NIT2: variants seen among roughly 807,000 people sequenced by gnomAD.
NIT2 encodes omega-amidase NIT2.
NIT2 carries 46 observed loss-of-function variants against 42.7 expected under a neutral mutation model. That is an observed-to-expected ratio of 1.08 (90% CI 0.85 to 1.38). The LOEUF (loss-of-function observed/expected upper bound fraction) is 1.38. NIT2 is among the 40% of genes most tolerant of loss of function. The probability of loss-of-function intolerance (pLI) is 0.00; values close to 1 mark genes in which losing one functional copy is unlikely to be tolerated. For synonymous variants in NIT2, 123 were observed against 121.9 expected (o/e 1.01, Z -0.06); for missense variants, 309 against 342.5 (o/e 0.90, Z 0.77).
chr3:100,343,407 T>A (rs11919627), intron 4 of NIT2, among the ~76,000 whole-genome samples: 15,649 of 152,094 alleles, frequency 0.1, 1,144 homozygotes, highest in African/African-American at 0.2. Flanking sequence ...ACTTTTTCCT[T>A]CTCTTCTACA....
At chr3:100,335,728 G>A (rs1437221424) in intron 1 of NIT2, among the ~76,000 whole-genome samples, 1 of 152,216 alleles carries the variant, frequency 6.6e-6, no homozygotes, top group Admixed American at 6.5e-5. Context: ...GACATGGCCC[G>A]GCACGTGGCT....
intron 8 of NIT2, among the ~76,000 whole-genome samples, chr3:100,352,733 T>C (rs1179585358): frequency 1.3e-5 from 2 of 152,238 alleles, no homozygotes; most frequent in Non-Finnish European, 1.5e-5. Context: ...CTTAGCCCTC[T>C]TCTGAGTTTC....
chr3:100,339,248 C>A, intron 2 of NIT2, 43 bp downstream of exon 2: 2 of 1,226,844 alleles, frequency 1.6e-6, no homozygotes, highest in Non-Finnish European at 2.4e-6. Flanking sequence ...ACTGTACACC[C>A]AAGCAGAACG....
In NIT2 at chr3:100,345,687, C is replaced by T. The variant is rs1576201010; in HGVS notation, c.430+9C>T. On this transcript the variant is annotated intron_variant, in intron 5 of 9. Coordinates refer to ENST00000394140, the MANE Select transcript of NIT2 (RefSeq NM_020202.5). ...CTCCACATTTGATACTCGTATGTAC[C>T]AGATAAGTTTGCCTCTTTAGCAATC... 1 of 1,575,250 alleles carries T rather than the reference C, an allele frequency of 6.3e-7. No individual in the cohort carries two copies. The highest frequency in any genetic ancestry group is 8.7e-7 in the Non-Finnish European group (1 of 1,145,534).
intron 7 of NIT2, among the ~76,000 whole-genome samples, chr3:100,350,431 G>A (rs919378374): frequency 6.6e-6 from 1 of 152,210 alleles, no homozygotes; most frequent in East Asian, 1.9e-4. Flanking sequence ...GGCCTGCAAG[G>A]TGTATTGCTC....
chr3:100,347,971 A>C (rs1410363366), intron 6 of NIT2, among the ~76,000 whole-genome samples: 1 of 151,690 alleles, frequency 6.6e-6, no homozygotes, highest in East Asian at 2.0e-4. Context: ...GCTCACTGCA[A>C]CTTCTGCTTC....
intron 4 of NIT2, among the ~76,000 whole-genome samples, chr3:100,341,612 C>T (rs1285118728): frequency 6.6e-6 from 1 of 152,084 alleles, no homozygotes; most frequent in African/African-American, 2.4e-5. Flanking sequence ...TCATGATCCA[C>T]CCGCCTCAGC....
At chr3:100,335,896 A>G (rs1444285326) in intron 1 of NIT2, among the ~76,000 whole-genome samples, 1 of 152,184 alleles carries the variant, frequency 6.6e-6, no homozygotes, top group Non-Finnish European at 1.5e-5. Flanking sequence ...CTTTAGTCCC[A>G]AACTACTTGG....
chr3:100,335,350 T>C (rs1706056625), intron 1 of NIT2, among the ~76,000 whole-genome samples: 2 of 152,252 alleles, frequency 1.3e-5, no homozygotes, highest in South Asian at 2.1e-4. Context: ...ATGATGTTAA[T>C]GTGTGAAGGA....
chr3:100,352,862 C>G (rs550524240), intron 8 of NIT2, among the ~76,000 whole-genome samples: 3 of 152,230 alleles, frequency 2.0e-5, no homozygotes, highest in African/African-American at 7.2e-5. Flanking sequence ...GCTGACTAGT[C>G]CCAGGGTAGG....
At chr3:100,340,180 C>T (rs1391565430) in intron 3 of NIT2, among the ~76,000 whole-genome samples, 1 of 152,164 alleles carries the variant, frequency 6.6e-6, no homozygotes, top group Non-Finnish European at 1.5e-5. Flanking sequence ...AAGTGATTCT[C>T]CCACCTCCTG....
At chr3:100,339,455 A>T (rs1576198629) in intron 2 of NIT2, among the ~76,000 whole-genome samples, 1 of 152,206 alleles carries the variant, frequency 6.6e-6, no homozygotes, top group Non-Finnish European at 1.5e-5. Context: ...ATCCTAGTAT[A>T]TTGAGGGACT....
intron 4 of NIT2, among the ~76,000 whole-genome samples, chr3:100,344,506 A>G (rs565683097): frequency 1.6e-4 from 25 of 152,338 alleles, no homozygotes; most frequent in African/African-American, 5.8e-4. Context: ...CAGTCCATGA[A>G]TGTGGTATAT....
chr3:100,348,290 T>TA (rs1176645834), intron 6 of NIT2, among the ~76,000 whole-genome samples: 14 of 152,210 alleles, frequency 9.2e-5, no homozygotes, highest in Non-Finnish European at 1.2e-4. Context: ...TTTCACCAAA[T>TA]ACGGGTGTTC....
Position 100,339,855 on chromosome 3 carries a change from A to G in NIT2, c.167A>G (p.Glu56Gly). The G allele has an allele frequency of 1.2e-6, 2 of 1,613,098 alleles. No homozygotes were observed. Among genetic ancestry groups the G allele is most frequent in the Non-Finnish European group, 1.7e-6 (2 of 1,179,272 alleles). Reference protein sequence around the residue: ...NSPYGAKYFPEYAEKIPGEST... With the variant: ...NSPYGAKYFPGYAEKIPGEST... ...CCATATGGAGCGAAATATTTTCCTG[A>G]ATATGCAGAGAAAATTCCTGGTGAA... Residue 56 changes from glutamate (E) to glycine (G), a missense_variant, in exon 3 of 10, where the codon GAA (glutamate) becomes GGA (glycine). Physicochemically the swap from Glu to Gly is moderately conservative, Grantham distance 98. Coordinates refer to ENST00000394140, the MANE Select transcript of NIT2 (RefSeq NM_020202.5).
Position 100,360,928 on chromosome 3 carries a change from G to A in NIT2, c.*5660G>A, listed in dbSNP as rs573362215. On this transcript the variant is annotated 3_prime_UTR_variant, in exon 10 of 10. Coordinates refer to ENST00000394140, the MANE Select transcript of NIT2 (RefSeq NM_020202.5). Reference sequence around the variant, plus strand: ...ATGCGAAAGTCAGGCCAGTTTGCTTGTGACCTCATTAGATTTGGGCTGTGA... The same window carrying A: ...ATGCGAAAGTCAGGCCAGTTTGCTTATGACCTCATTAGATTTGGGCTGTGA... The A allele has an allele frequency of 5.3e-5, 8 of 152,376 alleles. No homozygotes were observed. The highest frequency in any genetic ancestry group is 2.1e-4 in the South Asian group (1 of 4,826). The allele number at this position is 152,376 out of a possible 1,614,324, so 9.4% of individuals were successfully genotyped here. A position where few individuals can be genotyped will look rare whatever the true frequency, so the allele number is the denominator to read the frequency against.
chr3:100,337,043 T>A (rs1049469582), intron 1 of NIT2, among the ~76,000 whole-genome samples: 6 of 152,256 alleles, frequency 3.9e-5, no homozygotes, highest in African/African-American at 1.4e-4. Flanking sequence ...GGAGTGGTGA[T>A]GACTCTTAAG....
intron 6 of NIT2, among the ~76,000 whole-genome samples, chr3:100,346,829 C>T (rs1380294539): frequency 1.3e-5 from 2 of 152,116 alleles, no homozygotes; most frequent in South Asian, 2.1e-4. Context: ...TCAACAAATA[C>T]CAGCATCCTT....
At position 100,345,786 on chromosome 3, in the gene NIT2, C is replaced by G. The variant is rs559389517; in HGVS notation, c.430+108C>G. 6.1e-5 allele frequency: 44 copies of G among 721,408 alleles called. No individual in the cohort carries two copies. The African/African-American group carries it at 7.3e-4, about 12-fold the overall frequency. 44.7% of individuals were successfully genotyped at this position (721,408 alleles called of 1,614,324 possible). On this transcript the variant is annotated intron_variant, in intron 5 of 9. Coordinates refer to ENST00000394140, the MANE Select transcript of NIT2 (RefSeq NM_020202.5). Reference sequence around the variant, plus strand: ...TTCTTCACATAACCTAACTGAAAGACCATAAGTGAGAAAGGCAGAGAATCA... The same window carrying G: ...TTCTTCACATAACCTAACTGAAAGAGCATAAGTGAGAAAGGCAGAGAATCA...
Sources: allele counts gnomAD v4.1 joint callset (sites outside exome capture counted in the v4.1 genomes callset), GRCh38; gene constraint gnomAD v4.1.1; transcripts MANE v1.5; gene names NCBI Gene and HGNC (gene_info 2026-07-23, HGNC 2026-07-21).